Variants in FAM216A observed in about 807,000 individuals in gnomAD.
The protein encoded by FAM216A is protein FAM216A.
Under a neutral mutation model 37.6 loss-of-function variants are expected in FAM216A, and 26 were observed. That is an observed-to-expected ratio of 0.69 (90% CI 0.51 to 0.96). FAM216A has a LOEUF of 0.96. Ranked by LOEUF, FAM216A falls within the 40% of genes least tolerant of loss-of-function variation. FAM216A has a pLI of 0.00. For missense variants in FAM216A, 326 were observed against 339.3 expected (o/e 0.96, Z 0.31); for synonymous variants, 110 against 121.7 (o/e 0.90, Z 0.64).
At position 110,489,820 on chromosome 12, in the gene FAM216A, C is replaced by T. The variant is rs1383875761; in HGVS notation, c.704-199C>T. 3.3e-5 allele frequency among the ~76,000 whole-genome samples: 5 copies of T among 152,136 alleles called. 1 individual carries two copies. In the East Asian group the frequency reaches 9.6e-4, roughly 29 times the overall value. ...CTTAGTAACAAGAGAATTTGCTGTACAGTAACTTGGCTAGAATACAGTATT... is the reference window on the plus strand; with the variant it reads ...CTTAGTAACAAGAGAATTTGCTGTATAGTAACTTGGCTAGAATACAGTATT... On this transcript the variant is annotated intron_variant, in intron 6 of 6. Coordinates refer to ENST00000377673, the MANE Select transcript of FAM216A (RefSeq NM_013300.3).
chr12:110,473,140 GATA>G, intron 2 of FAM216A, 22 bp downstream of exon 2: 5 of 1,404,612 alleles, frequency 3.6e-6, no homozygotes, highest in Non-Finnish European at 5.0e-6. Context: ...ATATAAAGCA[GATA>G]ATACTTATAA....
intron 1 of FAM216A, among the ~76,000 whole-genome samples, chr12:110,469,544 C>T (rs1451431974): frequency 6.6e-6 from 1 of 151,946 alleles, no homozygotes; most frequent in African/African-American, 2.4e-5. Flanking sequence ...CAGTCTCGCT[C>T]TGTTGCCTAG....
intron 6 of FAM216A, among the ~76,000 whole-genome samples, 198 bp downstream of exon 6, chr12:110,488,141 G>A (rs186740743): frequency 5.9e-4 from 90 of 152,198 alleles, no homozygotes; most frequent in Non-Finnish European, 8.2e-4. Flanking sequence ...CAGGCGCCAC[G>A]GCTCACGCCT....
At chr12:110,488,370 C>A (rs1490412557) in intron 6 of FAM216A, among the ~76,000 whole-genome samples, 2 of 143,760 alleles carry the variant, frequency 1.4e-5, no homozygotes, top group African/African-American at 5.3e-5. Flanking sequence ...GAGATTGCGC[C>A]ACTGTACTCC....
At chr12:110,468,569 C>A (rs1277823250), upstream of FAM216A, 25 of 1,537,134 alleles carry the variant, frequency 1.6e-5, no homozygotes, top group Non-Finnish European at 2.2e-5. Flanking sequence ...TGGTGACCCT[C>A]GCGATTTGCA....
chr12:110,483,596 G>A (rs1023509941), intron 2 of FAM216A, among the ~76,000 whole-genome samples: 3 of 152,222 alleles, frequency 2.0e-5, no homozygotes, highest in African/African-American at 7.2e-5. Context: ...GGCCAACGCA[G>A]GCGGATCACC....
rs1419048908 is a variant in FAM216A at position 110,468,848 on chromosome 12, C to T, written c.-28C>T. ...GCCGCCTCTCCGGAATACCAGCAGC[C>T]TGACGCACGCGTGCTGTCGGGGGAG... On this transcript the variant is annotated 5_prime_UTR_variant, in exon 1 of 7. Coordinates refer to ENST00000377673, the MANE Select transcript of FAM216A (RefSeq NM_013300.3). 2.0e-6 allele frequency: 3 copies of T among 1,481,362 alleles called. No individual in the cohort carries two copies. Among genetic ancestry groups the T allele is most frequent in the African/African-American group, 2.8e-5 (2 of 71,504 alleles). 91.8% of individuals were successfully genotyped at this position (1,481,362 alleles called of 1,614,324 possible).
At chr12:110,477,646 G>A (rs1391923695) in intron 2 of FAM216A, among the ~76,000 whole-genome samples, 3 of 151,812 alleles carry the variant, frequency 2.0e-5, no homozygotes, top group Non-Finnish European at 4.4e-5. Context: ...GTGAGTCAAC[G>A]CGCCCAGTCT....
At chr12:110,468,578 C>T, upstream of FAM216A, 1 of 1,537,244 alleles carries the variant, frequency 6.5e-7, no homozygotes, top group Non-Finnish European at 8.7e-7. Context: ...TCGCGATTTG[C>T]AAATGTGCTG....
intron 5 of FAM216A, 58 bp downstream of exon 5, chr12:110,486,775 C>T: frequency 6.8e-7 from 1 of 1,470,104 alleles, no homozygotes; most frequent in Non-Finnish European, 9.3e-7. Context: ...TTTTTTTTCT[C>T]AGACAGGGTT....
At chr12:110,477,994 C>T (rs1405194029) in intron 2 of FAM216A, among the ~76,000 whole-genome samples, 1 of 152,054 alleles carries the variant, frequency 6.6e-6, no homozygotes. Flanking sequence ...GGCGTGAGCC[C>T]CCGTGCCCAG....
At chr12:110,477,932 C>T (rs557215107) in intron 2 of FAM216A, among the ~76,000 whole-genome samples, 10 of 152,116 alleles carry the variant, frequency 6.6e-5, no homozygotes, top group African/African-American at 2.2e-4. Flanking sequence ...TGGTCTCAAT[C>T]TCCTGACCTT....
chr12:110,487,621 G>A (rs2062784474), intron 5 of FAM216A: 1 of 423,216 alleles, frequency 2.4e-6, no homozygotes, highest in African/African-American at 2.1e-5. Flanking sequence ...AATATGGTTG[G>A]TTATGCACAG....
chr12:110,487,747 AG>A, intron 5 of FAM216A, 113 bp from the exon 6 acceptor site: 1 of 709,268 alleles, frequency 1.4e-6, no homozygotes, highest in East Asian at 2.5e-5. Flanking sequence ...GGGTGCTGAA[AG>A]GGTCTTTTTG....
intron 2 of FAM216A, among the ~76,000 whole-genome samples, chr12:110,476,600 C>T (rs1405707744): frequency 2.0e-5 from 3 of 152,064 alleles, no homozygotes; most frequent in Non-Finnish European, 2.9e-5. Context: ...AATCTTGGCT[C>T]ACCGCAACCT....
At chr12:110,476,554 T>TC (rs1344605828) in intron 2 of FAM216A, among the ~76,000 whole-genome samples, 1 of 151,010 alleles carries the variant, frequency 6.6e-6, no homozygotes, top group Non-Finnish European at 1.5e-5. Context: ...TGAGACGAAG[T>TC]CTCACTCTGT....
intron 2 of FAM216A, among the ~76,000 whole-genome samples, chr12:110,477,022 A>G (rs957357938): frequency 6.6e-6 from 1 of 152,188 alleles, no homozygotes; most frequent in Admixed American, 6.5e-5. Context: ...CATCTGGCCC[A>G]GGCCTGTTCT....
intron 2 of FAM216A, among the ~76,000 whole-genome samples, chr12:110,484,340 T>C (rs1440248949): frequency 7.5e-6 from 1 of 133,314 alleles, no homozygotes; most frequent in Non-Finnish European, 1.5e-5. Context: ...GACAGAAGAA[T>C]GGCATGAACT....
intron 2 of FAM216A, among the ~76,000 whole-genome samples, chr12:110,480,485 G>A (rs1308475514): frequency 2.6e-5 from 4 of 151,082 alleles, no homozygotes; most frequent in South Asian, 2.1e-4. Flanking sequence ...TTAAAGGTGT[G>A]AGCCACCACG....
Sources: gnomAD v4.1 joint callset for allele counts (sites outside exome capture counted in the v4.1 genomes callset) on GRCh38, gnomAD v4.1.1 for gene constraint, MANE v1.5 for transcripts, NCBI Gene and HGNC (gene_info 2026-07-23, HGNC 2026-07-21) for gene names.